LPP: variants seen among roughly 807,000 people sequenced by gnomAD.
LPP encodes lipoma-preferred partner.
LPP carries 38 observed loss-of-function variants against 60.4 expected under a neutral mutation model. The ratio of observed to expected loss-of-function variants is 0.63; its 90% confidence interval spans 0.49 to 0.83. The LOEUF (loss-of-function observed/expected upper bound fraction) is 0.83. Ranked by LOEUF, LPP falls within the 40% of genes least tolerant of loss-of-function variation. The pLI, the probability that LPP is intolerant of heterozygous loss-of-function variation, is 0.00. For missense variants in LPP, 902 were observed against 783.6 expected, an observed-to-expected ratio of 1.15 and a Z score of -1.80; for synonymous variants, 328 against 290.8, an observed-to-expected ratio of 1.13 and a Z score of -1.30.
intron 6 of LPP, among the ~76,000 whole-genome samples, chr3:188,539,741 C>G (rs990490661): frequency 1.3e-5 from 2 of 152,058 alleles, no homozygotes; most frequent in African/African-American, 4.8e-5. Context: ...ACATAATAAA[C>G]AGTTATTACT....
intron 6 of LPP, among the ~76,000 whole-genome samples, chr3:188,545,257 A>T (rs1484205036): frequency 6.0e-5 from 5 of 83,850 alleles, no homozygotes; most frequent in African/African-American, 2.1e-4. Context: ...AGTATAATTA[A>T]AAAAAAAAAC....
chr3:188,452,919 T>C (rs1197965786), intron 4 of LPP, among the ~76,000 whole-genome samples: 1 of 152,214 alleles, frequency 6.6e-6, no homozygotes, highest in African/African-American at 2.4e-5. Flanking sequence ...ATGCTGTTTC[T>C]TTCTTTATTT....
intron 2 of LPP, among the ~76,000 whole-genome samples, chr3:188,317,481 T>C (rs1755428135): frequency 6.6e-6 from 1 of 152,196 alleles, no homozygotes; most frequent in African/African-American, 2.4e-5. Flanking sequence ...TTGTGTCTCC[T>C]TCTGTTAAAT....
At chr3:188,455,354 A>T (rs1441565579) in intron 4 of LPP, among the ~76,000 whole-genome samples, 1 of 152,244 alleles carries the variant, frequency 6.6e-6, no homozygotes, top group Admixed American at 6.5e-5. Flanking sequence ...AGGTTCATGT[A>T]AATAGAATAT....
At chr3:188,380,360 ATAT>A (rs1776539061) in intron 3 of LPP, among the ~76,000 whole-genome samples, 1 of 152,252 alleles carries the variant, frequency 6.6e-6, no homozygotes. Context: ...TATTTTTGTC[ATAT>A]TATGAGAAAG....
intron 9 of LPP, among the ~76,000 whole-genome samples, chr3:188,788,530 G>T (rs960909334): frequency 2.0e-5 from 3 of 152,152 alleles, no homozygotes; most frequent in African/African-American, 7.2e-5. Flanking sequence ...GCATTTAGAA[G>T]ACTGTATTTA....
intron 4 of LPP, among the ~76,000 whole-genome samples, chr3:188,470,432 A>C (rs1051479130): frequency 1.4e-5 from 2 of 147,118 alleles, no homozygotes; most frequent in Non-Finnish European, 3.1e-5. Context: ...GTTGTCAAAA[A>C]TTCCTGCATA....
Position 188,182,001 on chromosome 3 carries a change from G to A in LPP, c.-190+27749G>A, listed in dbSNP as rs1037555907. On this transcript the variant is annotated intron_variant, in intron 1 of 11. Transcript: ENST00000617246. The surrounding 1 kb of genome is among the most constrained non-coding windows in gnomAD (Gnocchi z 4.4). ...ATAATTACTGGCTTTCTGCTGGGAT[G>A]CCCACAGCACTTTGGCCAGATCTCT... 1.3e-5 allele frequency among the ~76,000 whole-genome samples: 2 copies of A among 152,220 alleles called. No homozygotes were observed. Among genetic ancestry groups the A allele is most frequent in the Non-Finnish European group, 2.9e-5 (2 of 68,036 alleles).
At chr3:188,515,458 C>T (rs1302180218) in intron 5 of LPP, among the ~76,000 whole-genome samples, 1 of 152,152 alleles carries the variant, frequency 6.6e-6, no homozygotes, top group Non-Finnish European at 1.5e-5. Flanking sequence ...TATAAATTAC[C>T]CAGCCTCAGC....
chr3:188,310,146 T>C (rs1752924298), intron 2 of LPP, among the ~76,000 whole-genome samples: 1 of 152,040 alleles, frequency 6.6e-6, no homozygotes, highest in Non-Finnish European at 1.5e-5. Flanking sequence ...TTTAAGTCAT[T>C]GTGTTCTAGA....
At chr3:188,306,465 A>G (rs1482399752) in intron 2 of LPP, among the ~76,000 whole-genome samples, 1 of 152,198 alleles carries the variant, frequency 6.6e-6, no homozygotes, top group Non-Finnish European at 1.5e-5. Context: ...CTCCTATTTC[A>G]GTGTCCAGGA....
intron 9 of LPP, among the ~76,000 whole-genome samples, chr3:188,835,436 C>T (rs1201136929): frequency 2.7e-5 from 4 of 150,718 alleles, no homozygotes; most frequent in African/African-American, 9.8e-5. Flanking sequence ...CATGGTGAAA[C>T]CTCATCCTAC....
chr3:188,154,353 G>A (rs968686830), intron 1 of LPP, among the ~76,000 whole-genome samples, 101 bp downstream of exon 1: 9 of 152,188 alleles, frequency 5.9e-5, no homozygotes, highest in Admixed American at 2.6e-4. Flanking sequence ...TGGCAAGAGC[G>A]CAGGGCGCGC....
At chr3:188,314,007 A>G (rs1754310098) in intron 2 of LPP, among the ~76,000 whole-genome samples, 1 of 152,148 alleles carries the variant, frequency 6.6e-6, no homozygotes, top group African/African-American at 2.4e-5. Flanking sequence ...TCATTATTTG[A>G]ATAATTTTAG....
intron 7 of LPP, among the ~76,000 whole-genome samples, chr3:188,646,015 GAAAT>G (rs1851045739): frequency 6.6e-6 from 1 of 152,084 alleles, no homozygotes; most frequent in Non-Finnish European, 1.5e-5. Context: ...TCTAAACAGA[GAAAT>G]AAATGAAATC....
intron 6 of LPP, among the ~76,000 whole-genome samples, chr3:188,534,590 A>G (rs1823066595): frequency 6.6e-6 from 1 of 152,224 alleles, no homozygotes; most frequent in South Asian, 2.1e-4. Flanking sequence ...CAAATAAACA[A>G]GAAAACACAA....
At chr3:188,820,597 C>G (rs1753708008) in intron 9 of LPP, among the ~76,000 whole-genome samples, 1 of 152,154 alleles carries the variant, frequency 6.6e-6, no homozygotes, top group Non-Finnish European at 1.5e-5. Context: ...TAGCCCATTT[C>G]TAACATATCC....
At chr3:188,189,077 A>C (rs1348948051) in intron 1 of LPP, among the ~76,000 whole-genome samples, 1 of 152,146 alleles carries the variant, frequency 6.6e-6, no homozygotes, top group Non-Finnish European at 1.5e-5. Flanking sequence ...GTGGTCCAAC[A>C]GTGCTATTTT....
At chr3:188,228,226 C>T (rs965495301) in intron 2 of LPP, among the ~76,000 whole-genome samples, 1 of 152,182 alleles carries the variant, frequency 6.6e-6, no homozygotes, top group African/African-American at 2.4e-5. Context: ...TTCTGGGACA[C>T]ACGTGCTCAT....
Sources: allele counts gnomAD v4.1 joint callset (sites outside exome capture counted in the v4.1 genomes callset), GRCh38; gene constraint gnomAD v4.1.1; non-coding constraint Gnocchi (gnomAD v3.1); transcripts MANE v1.5; gene names NCBI Gene and HGNC (gene_info 2026-07-23, HGNC 2026-07-21).